ARHGAP19: variants seen among roughly 807,000 people sequenced by gnomAD.
ARHGAP19 encodes Rho GTPase activating protein 19, also known as rho GTPase-activating protein 19.
In ARHGAP19, 48 loss-of-function variants were observed where a neutral mutation model predicts 60.9. The ratio of observed to expected loss-of-function variants is 0.79; its 90% confidence interval spans 0.62 to 1.00. ARHGAP19 has a LOEUF of 1.00. Ranked by LOEUF, ARHGAP19 falls within the 50% of genes least tolerant of loss-of-function variation. ARHGAP19 has a pLI of 0.00. For synonymous variants in ARHGAP19, 209 were observed against 215.5 expected (o/e 0.97, Z 0.27); for missense variants, 562 against 597.2 (o/e 0.94, Z 0.61).
chr10:97,270,509 A>G, intron 1 of ARHGAP19: 7 of 935,046 alleles, frequency 7.5e-6, no homozygotes, highest in Non-Finnish European at 1.1e-5. Flanking sequence ...GACTAAAGAA[A>G]AAACTACTAT....
intron 6 of ARHGAP19, among the ~76,000 whole-genome samples, chr10:97,251,083 G>C (rs537612843): frequency 7.0e-6 from 1 of 143,042 alleles, no homozygotes; most frequent in Admixed American, 7.2e-5. Flanking sequence ...AAGGAAGGAA[G>C]GGAAAGGGGA....
intron 1 of ARHGAP19, among the ~76,000 whole-genome samples, chr10:97,272,363 G>A (rs780304249): frequency 2.0e-5 from 3 of 151,966 alleles, no homozygotes; most frequent in Non-Finnish European, 2.9e-5. Context: ...TCGAACTCCT[G>A]AGCTCAGGCA....
chr10:97,272,907 C>G (rs985458970), intron 1 of ARHGAP19, among the ~76,000 whole-genome samples: 11 of 147,694 alleles, frequency 7.4e-5, no homozygotes, highest in African/African-American at 2.8e-4. Context: ...GTGGGACGAT[C>G]TCGGCTGACT....
chr10:97,278,543 ATGAG>A (rs907603581), intron 1 of ARHGAP19, among the ~76,000 whole-genome samples: 2 of 152,116 alleles, frequency 1.3e-5, no homozygotes, highest in Non-Finnish European at 2.9e-5. Context: ...AGTGTGCCAA[ATGAG>A]TATCAATCAG....
intron 4 of ARHGAP19, among the ~76,000 whole-genome samples, chr10:97,261,838 A>G (rs1392165978): frequency 6.6e-6 from 1 of 152,228 alleles, no homozygotes; most frequent in Non-Finnish European, 1.5e-5. Context: ...TAGCAGCATA[A>G]CAGACGTGCA....
At chr10:97,266,413 G>A (rs1026134024) in intron 1 of ARHGAP19, among the ~76,000 whole-genome samples, 5 of 152,098 alleles carry the variant, frequency 3.3e-5, no homozygotes, top group African/African-American at 9.7e-5. Context: ...TGACCCATTC[G>A]TCATCATCTA....
intron 8 of ARHGAP19, among the ~76,000 whole-genome samples, chr10:97,238,820 A>G (rs925005404): frequency 1.3e-5 from 2 of 152,206 alleles, no homozygotes; most frequent in Non-Finnish European, 2.9e-5. Flanking sequence ...GCAATGTCCT[A>G]GGTCTTCACA....
chr10:97,274,390 G>A (rs1038347414), intron 1 of ARHGAP19, among the ~76,000 whole-genome samples: 3 of 152,000 alleles, frequency 2.0e-5, no homozygotes, highest in East Asian at 3.9e-4. Context: ...GCTTGAACCC[G>A]GGAGGTGAAG....
chr10:97,259,498 AT>A lies in ARHGAP19; in HGVS notation c.743del (p.Asp248ValfsTer46), dbSNP rs1842799381. ...PNRNLLKLLLDLLYQTAKKQD... is the reference protein window; with the variant it reads ...PNRNLLKLLLXLLYQTAKKQD... ...GTTTCTTTGCTGTCTGGTATAGGAG[AT>A]CAAGCAATAACTTCAGCAAATTACG... On this transcript the variant is annotated frameshift_variant, in exon 5 of 12. Coordinates refer to ENST00000358531, the MANE Select transcript of ARHGAP19 (RefSeq NM_032900.6). LOFTEE classifies it high-confidence loss of function. 6.2e-7 allele frequency: 1 copy of A among 1,614,014 alleles called. No homozygotes were observed. The highest frequency in any genetic ancestry group is 8.5e-7 in the Non-Finnish European group (1 of 1,180,040).
At chr10:97,226,461 G>A (rs1384990923) in intron 11 of ARHGAP19, among the ~76,000 whole-genome samples, 2 of 152,160 alleles carry the variant, frequency 1.3e-5, no homozygotes, top group Non-Finnish European at 2.9e-5. Context: ...AGCCTACATA[G>A]TTCATTTGCC....
Position 97,246,316 on chromosome 10 carries a change from A to G in ARHGAP19, c.949T>C (p.Cys317Arg), listed in dbSNP as rs949384593. 5 of 1,613,752 alleles carry G rather than the reference A, an allele frequency of 3.1e-6. No homozygotes were observed. The highest frequency in any genetic ancestry group is 2.7e-5 in the African/African-American group (2 of 74,898). The stretch of plus-strand genomic sequence containing the variant: ...GATCCCAAATAGTGCAATCTCGCAC[A>G]CTCCCGAATGTAAGCAGGAGCCTGG... ...LFKAPAYIRE[C>R]ARLHYLGSRT... is the part of the protein sequence containing the mutation. The change falls in exon 7 of 12, where the codon TGT becomes CGT. Residue 317 changes from cysteine (C) to arginine (R), a missense_variant. Cys to Arg is a radical substitution (Grantham distance 180, BLOSUM62 -3). Transcript: ENST00000358531.
chr10:97,249,797 CTTTTT>C (rs34158492), intron 6 of ARHGAP19, among the ~76,000 whole-genome samples: 3 of 109,028 alleles, frequency 2.8e-5, no homozygotes, highest in Non-Finnish European at 1.8e-5. Flanking sequence ...TAGTGTGATT[CTTTTT>C]TTTTTTTTTT....
intron 10 of ARHGAP19, 107 bp from the exon 11 acceptor site, chr10:97,229,332 T>C: frequency 1.1e-6 from 1 of 922,724 alleles, no homozygotes; most frequent in Non-Finnish European, 1.7e-6. Flanking sequence ...GAAGAGTTTT[T>C]CTGAGACTGA....
At position 97,263,299 on chromosome 10, in the gene ARHGAP19, C is replaced by A. The variant is rs556723742; in HGVS notation, c.613+121G>T. On this transcript the variant is annotated intron_variant, in intron 4 of 11. Coordinates refer to ENST00000358531, the MANE Select transcript of ARHGAP19 (RefSeq NM_032900.6). ...TACCCAGAGAAGTCCAGCAACATCA[C>A]GAAATCTTAACCAATATTAATAGAA... The A allele has an allele frequency of 2.0e-5, 21 of 1,036,812 alleles. No homozygotes were observed. The East Asian group carries it at 5.1e-4, about 25-fold the overall frequency. 64.2% of individuals were successfully genotyped at this position (1,036,812 alleles called of 1,614,324 possible).
At chr10:97,240,632 C>T (rs2134831243) in intron 8 of ARHGAP19, among the ~76,000 whole-genome samples, 1 of 152,340 alleles carries the variant, frequency 6.6e-6, no homozygotes, top group South Asian at 2.1e-4. Flanking sequence ...GCCTAGGCGA[C>T]AGAGCAGAAC....
intron 6 of ARHGAP19, among the ~76,000 whole-genome samples, chr10:97,253,442 T>C (rs1167711438): frequency 6.6e-6 from 1 of 150,402 alleles, no homozygotes; most frequent in Non-Finnish European, 1.5e-5. Context: ...GAAAAAAAGA[T>C]TGATCTCATA....
chr10:97,231,593 CATA>C (rs1327637142), intron 9 of ARHGAP19, among the ~76,000 whole-genome samples: 1 of 152,122 alleles, frequency 6.6e-6, no homozygotes, highest in Non-Finnish European at 1.5e-5. Flanking sequence ...TTTCTCTTAG[CATA>C]ATATCTTCAA....
intron 1 of ARHGAP19, among the ~76,000 whole-genome samples, chr10:97,289,115 CTTTT>C (rs769116702): frequency 8.7e-6 from 1 of 114,456 alleles, no homozygotes; most frequent in African/African-American, 3.3e-5. Context: ...CCGTGCCCGG[CTTTT>C]TTTTTTTTTT....
chr10:97,270,743 G>C, intron 1 of ARHGAP19: 1 of 1,417,528 alleles, frequency 7.1e-7, no homozygotes, highest in Non-Finnish European at 9.5e-7. Context: ...CATGTTAGAG[G>C]ATACAAGGGC....
Sources: gnomAD v4.1 joint callset for allele counts (sites outside exome capture counted in the v4.1 genomes callset) on GRCh38, gnomAD v4.1.1 for gene constraint, MANE v1.5 for transcripts, NCBI Gene and HGNC (gene_info 2026-07-23, HGNC 2026-07-21) for gene names.